The following SELENON variants were observed in gnomAD, a reference collection of about 807,000 sequenced individuals.
The protein encoded by SELENON is selenoprotein N, 1.
Under a neutral mutation model 59.5 loss-of-function variants are expected in SELENON, and 44 were observed. The observed-to-expected ratio is 0.74, with a 90% CI of 0.58 to 0.95. The LOEUF is 0.95. Ranked by LOEUF, SELENON falls within the 40% of genes least tolerant of loss-of-function variation. SELENON has a pLI of 0.00. For missense variants in SELENON, 674 were observed against 721.4 expected (o/e 0.93, Z 0.75); for synonymous variants, 320 against 305.6 (o/e 1.05, Z -0.49).
At position 25,808,918 on chromosome 1, in the gene SELENON, C is replaced by G. The variant is rs1260501936; in HGVS notation, c.748-108C>G. On this transcript the variant is annotated intron_variant, in intron 5 of 12. Transcript: ENST00000361547. ...TCTCCTGCCTTCCTCTGGACCTGCC[C>G]CCTCCCCATGGGGCCCCTGGGCCGT... 5 of 1,584,862 alleles carry G rather than the reference C, an allele frequency of 3.2e-6. No homozygotes were observed. In the African/African-American group the frequency reaches 6.7e-5, roughly 21 times the overall value.
chr1:25,810,757 G>A (rs2047951090), intron 7 of SELENON, among the ~76,000 whole-genome samples: 1 of 152,202 alleles, frequency 6.6e-6, no homozygotes, highest in South Asian at 2.1e-4. Context: ...CCGGTCAAAG[G>A]GAAAAGGAAG....
chr1:25,811,766 C>A lies in SELENON; in HGVS notation c.1168C>A (p.Leu390Met). ...GGATGGCAGCATGATCGACAGCCAC[C>A]TGCCTTCAGGGGAGCCCCTGCAGTT... Residue 390 changes from leucine to methionine, a missense_variant, in exon 9 of 13, where the codon CTG becomes ATG. Coordinates refer to ENST00000361547, the MANE Select transcript of SELENON (RefSeq NM_020451.3). The A allele has an allele frequency of 6.3e-7, 1 of 1,596,164 alleles. No individual in the cohort carries two copies. Among genetic ancestry groups the A allele is most frequent in the Non-Finnish European group, 8.5e-7 (1 of 1,171,786 alleles).
intron 7 of SELENON, among the ~76,000 whole-genome samples, chr1:25,811,244 C>T (rs1050705603): frequency 2.0e-5 from 3 of 152,226 alleles, no homozygotes; most frequent in African/African-American, 4.8e-5. Flanking sequence ...GGTGAAGTGG[C>T]TCCAGTGCCT....
At chr1:25,801,739 T>C (rs2047862555) in intron 2 of SELENON, among the ~76,000 whole-genome samples, 1 of 152,154 alleles carries the variant, frequency 6.6e-6, no homozygotes, top group African/African-American at 2.4e-5. Context: ...TATTTAAGTA[T>C]TTCATGTGGG....
Position 25,809,107 on chromosome 1 carries a change from T to G in SELENON, c.829T>G (p.Cys277Gly), listed in dbSNP as rs964354801. The change falls in exon 6 of 13, where the codon TGC (cysteine) becomes GGC (glycine). Residue 277 changes from cysteine (C) to glycine (G), a missense_variant. Physicochemically the swap from Cys to Gly is radical, Grantham distance 159. Transcript: ENST00000361547. ...CTTTGCCCCTCAGGGAGCTGTGGCC[T>G]GCCTGACTGCCATCAGCGACTTCTA... 1.2e-6 allele frequency: 2 copies of G among 1,613,834 alleles called. No individual in the cohort carries two copies. Among genetic ancestry groups the G allele is most frequent in the Non-Finnish European group, 1.7e-6 (2 of 1,180,034 alleles).
rs2047917931 is a variant in SELENON at position 25,807,481 on chromosome 1, GGT to G, written c.538-1098_538-1097del. Among the ~76,000 whole-genome samples, 1 of 152,196 alleles carries G rather than the reference GGT, an allele frequency of 6.6e-6. No individual in the cohort carries two copies. The highest frequency in any genetic ancestry group is 1.5e-5 in the Non-Finnish European group (1 of 68,028). Reference sequence around the variant, plus strand: ...TCCATGGATTTGGCAGTGATGGGCTGGTCTGAGCAGATAAGTCCGCACAGACA... The same window carrying G: ...TCCATGGATTTGGCAGTGATGGGCTGCTGAGCAGATAAGTCCGCACAGACA... On this transcript the variant is annotated intron_variant, in intron 4 of 12. Coordinates refer to ENST00000361547, the MANE Select transcript of SELENON (RefSeq NM_020451.3). The surrounding 1 kb of genome is among the most constrained non-coding windows in gnomAD (Gnocchi z 4.5).
intron 4 of SELENON, among the ~76,000 whole-genome samples, chr1:25,805,553 T>G (rs2047899507): frequency 6.6e-6 from 1 of 150,978 alleles, no homozygotes; most frequent in South Asian, 2.1e-4. Context: ...CTCAGCAGGG[T>G]GACTGAGCAC....
rs373488787 is a variant in SELENON, at chr1:25,805,118, C to T, written c.404-24C>T. ...GAGCCCTGTAGCATAAGGGCAGTGC[C>T]TCTCCGATGTCTGTGTCTCATAGGG... On this transcript the variant is annotated intron_variant, in intron 3 of 12. Coordinates refer to ENST00000361547, the MANE Select transcript of SELENON (RefSeq NM_020451.3). 1.6e-4 allele frequency: 261 copies of T among 1,612,244 alleles called. 1 individual carries two copies. Among genetic ancestry groups the T allele is most frequent in the Middle Eastern group, 1.5e-3 (8 of 5,220 alleles).
rs1339344780 is a variant in SELENON at position 25,807,449 on chromosome 1, A to G, written c.538-1131A>G. Among the ~76,000 whole-genome samples the G allele has an allele frequency of 6.6e-6, 1 of 152,192 alleles. No homozygotes were observed. The highest frequency in any genetic ancestry group is 1.5e-5 in the Non-Finnish European group (1 of 68,030). On this transcript the variant is annotated intron_variant, in intron 4 of 12. Transcript: ENST00000361547. This position sits in a 1 kb window ranked among gnomAD's most constrained non-coding sequence, Gnocchi z 4.5. Reference sequence around the variant, plus strand: ...GACCTTCCACAAAAGGAGATGGGGAACCCATCTCCATGGATTTGGCAGTGA... The same window carrying G: ...GACCTTCCACAAAAGGAGATGGGGAGCCCATCTCCATGGATTTGGCAGTGA...
rs776738184 is a variant in SELENON, at chr1:25,809,688, A to G, written c.878A>G (p.His293Arg). Residue 293 changes from histidine (H) to arginine (R), a missense_variant, in exon 7 of 13, where the codon CAT becomes CGT. His to Arg is a conservative substitution (Grantham distance 29). Coordinates refer to ENST00000361547, the MANE Select transcript of SELENON (RefSeq NM_020451.3). ...GCAGATCCCCTTCCCCACAGGATCC[A>G]TGCCGAGTTCCAGCTCAGTGAGCCG... 1.2e-6 allele frequency: 2 copies of G among 1,613,938 alleles called. No individual in the cohort carries two copies. Among genetic ancestry groups the G allele is most frequent in the Non-Finnish European group, 1.7e-6 (2 of 1,180,020 alleles).
chr1:25,812,966 G>A (rs1428182727), intron 10 of SELENON, among the ~76,000 whole-genome samples, 174 bp downstream of exon 9: 1 of 152,164 alleles, frequency 6.6e-6, no homozygotes, highest in East Asian at 1.9e-4. Context: ...CCCAGAGGGA[G>A]CTACCAGATG....
At chr1:25,811,627 G>A in intron 8 of SELENON, 64 bp from the exon 8 acceptor site, 4 of 1,601,554 alleles carry the variant, frequency 2.5e-6, no homozygotes, top group Non-Finnish European at 3.4e-6. Flanking sequence ...AGGGTCTCTA[G>A]GGGAGCCCCT....
intron 9 of SELENON, 119 bp from the exon 9 acceptor site, chr1:25,812,568 C>CACAT: frequency 3.6e-6 from 1 of 276,972 alleles, no homozygotes; most frequent in African/African-American, 5.8e-5. Context: ...CACACAAACA[C>CACAT]ACACACACAC....
intron 5 of SELENON, 62 bp downstream of exon 4, chr1:25,808,851 C>CT: frequency 6.3e-7 from 1 of 1,592,466 alleles, no homozygotes. Context: ...GGCCACCCCT[C>CT]TGTCTGCGCC....
At chr1:25,814,305 A>C in intron 12 of SELENON, 127 bp downstream of exon 11, 1 of 752,262 alleles carries the variant, frequency 1.3e-6, no homozygotes, top group Admixed American at 2.0e-5. Context: ...CTGGCTGCAA[A>C]GCCTCAAGCT....
At chr1:25,802,944 A>T (rs1446877676) in intron 3 of SELENON, among the ~76,000 whole-genome samples, 1 of 152,174 alleles carries the variant, frequency 6.6e-6, no homozygotes, top group Non-Finnish European at 1.5e-5. Flanking sequence ...TAAGCTTCAA[A>T]GCGCTGTCAC....
intron 7 of SELENON, 55 bp from the exon 7 acceptor site, chr1:25,811,399 T>C (rs973850928): frequency 1.5e-5 from 21 of 1,438,156 alleles, no homozygotes; most frequent in African/African-American, 2.8e-5. Flanking sequence ...TGAGATAAAG[T>C]GTGACACAGA....
At chr1:25,812,843 G>C (rs2047978601) in intron 10 of SELENON, 51 bp downstream of exon 9, 2 of 1,401,742 alleles carry the variant, frequency 1.4e-6, no homozygotes, top group East Asian at 4.8e-5. Context: ...TCCACACCTT[G>C]TGGGGTACCA....
chr1:25,817,838 G>A lies in SELENON; in HGVS notation c.*2120G>A, dbSNP rs914404106. 2 of 152,326 alleles carry A rather than the reference G, an allele frequency of 1.3e-5. No individual in the cohort carries two copies. Among genetic ancestry groups the A allele is most frequent in the Non-Finnish European group, 2.9e-5 (2 of 68,120 alleles). The allele number at this position is 152,326 out of a possible 1,614,324, so 9.4% of individuals were successfully genotyped here. On this transcript the variant is annotated 3_prime_UTR_variant, in exon 13 of 13. Coordinates refer to ENST00000361547, the MANE Select transcript of SELENON (RefSeq NM_020451.3). ...TCCCCTCTGACCTCCAGACCAGATG[G>A]GGCATGAGCCAGCCAGCTCAGCCAG...
Sources: gnomAD v4.1 joint callset for allele counts (sites outside exome capture counted in the v4.1 genomes callset) on GRCh38, gnomAD v4.1.1 for gene constraint, Gnocchi (gnomAD v3.1) non-coding constraint, MANE v1.5 for transcripts, NCBI Gene and HGNC (gene_info 2026-07-23, HGNC 2026-07-21) for gene names.